Variants in PKHD1 observed in about 807,000 individuals in gnomAD.
PKHD1 encodes PKHD1 ciliary IPT domain containing fibrocystin/polyductin.
Under a neutral mutation model 412.0 loss-of-function variants are expected in PKHD1, and 291 were observed. The observed-to-expected ratio is 0.71, with a 90% CI of 0.64 to 0.78. PKHD1 has a LOEUF of 0.78. Among genes scored for constraint, PKHD1 ranks in the 30% least tolerant of loss-of-function variants. The pLI is 0.00. For synonymous variants in PKHD1, 1,777 were observed against 1,821.5 expected (o/e 0.98, Z 0.62); for missense variants, 4,825 against 4,950.7 (o/e 0.97, Z 0.76).
rs748785664 is a variant in PKHD1 at position 51,638,905 on chromosome 6, G to A, written c.11450C>T (p.Ala3817Val). Residue 3817 changes from alanine to valine, a missense_variant, in exon 64 of 67, where the codon GCA becomes GTA. Transcript: ENST00000371117. ...CCAGTTTGACCCAGAGATCAAGACT[G>A]CCAAGTTGTAGAAGCTAACATAACC... is the stretch of plus-strand genomic sequence containing the variant. ...QDGYVSFYNL[A>V]VLISGSNWHF... is the part of the protein sequence containing the mutation. 4.3e-6 allele frequency: 7 copies of A among 1,613,546 alleles called. No homozygotes were observed. The African/African-American group carries it at 6.7e-5, about 15-fold the overall frequency.
Position 52,046,035 on chromosome 6 carries a change from G to A in PKHD1, c.2561C>T (p.Thr854Ile). The change falls in exon 24 of 67, where the codon ACT (threonine) becomes ATT (isoleucine). Residue 854 changes from threonine to isoleucine, a missense_variant. By Grantham distance (89) the Thr-to-Ile change is moderately conservative. Coordinates refer to ENST00000371117, the MANE Select transcript of PKHD1 (RefSeq NM_138694.4). ...AAAATTGGGCAAATCCCCAATCTGA[G>A]TGGACCAGGACAAGGTCCACACGTG... is the stretch of plus-strand genomic sequence containing the variant. The part of the protein sequence containing the change: ...YEHVWTLSWS[T>I]QIGDLPNFIR... The A allele has an allele frequency of 9.9e-6, 16 of 1,613,588 alleles. No individual in the cohort carries two copies. Among genetic ancestry groups the A allele is most frequent in the Non-Finnish European group, 1.4e-5 (16 of 1,179,704 alleles).
intron 60 of PKHD1, among the ~76,000 whole-genome samples, chr6:51,664,854 G>C (rs1018278792): frequency 1.3e-5 from 2 of 151,954 alleles, no homozygotes; most frequent in Non-Finnish European, 2.9e-5. Context: ...AGGACCACAT[G>C]GATTTTGATT....
At chr6:51,684,852 T>C (rs72892145) in intron 60 of PKHD1, among the ~76,000 whole-genome samples, 6,954 of 152,218 alleles carry the variant, frequency 0.046, 257 homozygotes, top group Middle Eastern at 0.12. Flanking sequence ...TATGGGACAG[T>C]TCATGTGCTT....
chr6:51,850,926 T>C (rs1465327982), intron 49 of PKHD1, among the ~76,000 whole-genome samples: 2 of 152,192 alleles, frequency 1.3e-5, no homozygotes, highest in Non-Finnish European at 2.9e-5. Context: ...GAACTTCCAA[T>C]ACTATGTTGA....
chr6:51,696,347 T>C (rs1222567059), intron 60 of PKHD1, among the ~76,000 whole-genome samples: 8 of 152,044 alleles, frequency 5.3e-5, no homozygotes, highest in Non-Finnish European at 1.0e-4. Context: ...AAGAAGAAAA[T>C]GGGGCTGAAG....
rs746844312 is a variant in PKHD1 at position 51,887,243 on chromosome 6, C to G, written c.6999G>C (p.Gly2333=). 2 of 1,592,766 alleles carry G rather than the reference C, an allele frequency of 1.3e-6. No individual in the cohort carries two copies. Among genetic ancestry groups the G allele is most frequent in the Non-Finnish European group, 1.7e-6 (2 of 1,160,658 alleles). ...YICSPTNVIE[G]NRVCGAGYGY... ...CATAGCCAGCACCACACACTCTGTT[C>G]CCCTACAGAAATTAAGAAGAGTTAA... Residue 2333 remains glycine (G), a splice_region_variant and synonymous_variant, in exon 44 of 67, where the codon GGG becomes GGC. Coordinates refer to ENST00000371117, the MANE Select transcript of PKHD1 (RefSeq NM_138694.4).
chr6:51,722,131 C>T (rs1782003071), intron 60 of PKHD1: 4 of 1,562,772 alleles, frequency 2.6e-6, no homozygotes, highest in Admixed American at 1.7e-5. Context: ...ATGAAAATAC[C>T]CCACACCTTG....
chr6:51,656,931 C>G (rs1771954754), intron 61 of PKHD1, among the ~76,000 whole-genome samples: 1 of 151,948 alleles, frequency 6.6e-6, no homozygotes, highest in African/African-American at 2.4e-5. Flanking sequence ...GCTGAGATTA[C>G]AGGTGTGAGC....
intron 60 of PKHD1, among the ~76,000 whole-genome samples, chr6:51,728,536 CTT>C (rs1554209469): frequency 1.3e-5 from 2 of 152,202 alleles, no homozygotes; most frequent in Admixed American, 6.5e-5. Flanking sequence ...CAGCCGGACT[CTT>C]TGGCCGGTTA....
chr6:51,928,762 G>A (rs149441591), intron 37 of PKHD1, among the ~76,000 whole-genome samples: 67 of 151,926 alleles, frequency 4.4e-4, no homozygotes, highest in African/African-American at 1.6e-3. Flanking sequence ...AGGAGTAGGA[G>A]AGAGTGAAGT....
rs775882368 is a variant in PKHD1, at chr6:51,903,659, A to G, written c.6934T>C (p.Ser2312Pro). ...IIQVSGAEGLSNPEMLTPSGI... is the reference protein window; with the variant it reads ...IIQVSGAEGLPNPEMLTPSGI... ...GATGGTGTCAACATTTCAGGATTGG[A>G]GAGTCCCTCGGCACCAGAAACCTGG... The change falls in exon 43 of 67, where the codon TCC becomes CCC. Residue 2312 changes from serine to proline, a missense_variant. Coordinates refer to ENST00000371117, the MANE Select transcript of PKHD1 (RefSeq NM_138694.4). The G allele has an allele frequency of 6.2e-7, 1 of 1,610,844 alleles. No homozygotes were observed. Among genetic ancestry groups the G allele is most frequent in the Non-Finnish European group, 8.5e-7 (1 of 1,177,356 alleles).
intron 55 of PKHD1, among the ~76,000 whole-genome samples, chr6:51,765,423 G>A (rs1313227305): frequency 6.6e-6 from 1 of 152,084 alleles, no homozygotes; most frequent in Non-Finnish European, 1.5e-5. Context: ...ACAAGGTCCT[G>A]TATGACTTGG....
rs563010657 is a variant in PKHD1 at position 51,921,673 on chromosome 6, C to T, written c.6122-9097G>A. ...ACTTCTCTTCTCACTTCATATCATT[C>T]GTTTCATCTTCAATCACTGATACCC... On this transcript the variant is annotated intron_variant, in intron 37 of 66. Transcript: ENST00000371117. Among the ~76,000 whole-genome samples, 36 of 152,232 alleles carry T rather than the reference C, an allele frequency of 2.4e-4. No individual in the cohort carries two copies. The South Asian group carries it at 4.4e-3, about 18-fold the overall frequency.
chr6:51,887,379 A>G (rs1050139697), intron 43 of PKHD1, 134 bp from the exon 44 acceptor site: 5 of 698,958 alleles, frequency 7.2e-6, no homozygotes, highest in Non-Finnish European at 1.3e-5. Flanking sequence ...TCTATTATAG[A>G]CTCATTTATT....
rs1765482286 is a variant in PKHD1, at chr6:51,816,495, T to A, written c.8302+14366A>T. 2.0e-5 allele frequency among the ~76,000 whole-genome samples: 3 copies of A among 152,340 alleles called. No homozygotes were observed. The East Asian group carries it at 5.8e-4, about 29-fold the overall frequency. On this transcript the variant is annotated intron_variant, in intron 52 of 66. Transcript: ENST00000371117. ...AAGAAGCTGAGGCAATAGAGCTGGA[T>A]GGGAGAAGACACCTGTTAAATGAAG...
intron 60 of PKHD1, among the ~76,000 whole-genome samples, chr6:51,717,743 G>A (rs371507247): frequency 6.6e-6 from 1 of 152,148 alleles, no homozygotes; most frequent in African/African-American, 2.4e-5. Context: ...ACTGTATTTT[G>A]AGTAAGCAAT....
chr6:51,909,275 C>G lies in PKHD1; in HGVS notation c.6682+8G>C. ...ACATGAGAAAGTCCTAGGTCCGGACCCCCTTACCTCTCATAGCTCCCACCA... is the reference window on the plus strand; with the variant it reads ...ACATGAGAAAGTCCTAGGTCCGGACGCCCTTACCTCTCATAGCTCCCACCA... On this transcript the variant is annotated splice_region_variant and intron_variant, in intron 40 of 66. Coordinates refer to ENST00000371117, the MANE Select transcript of PKHD1 (RefSeq NM_138694.4). The G allele has an allele frequency of 6.2e-7, 1 of 1,610,320 alleles. No individual in the cohort carries two copies. Among genetic ancestry groups the G allele is most frequent in the Non-Finnish European group, 8.5e-7 (1 of 1,176,814 alleles).
chr6:52,005,101 G>A (rs185933792), intron 35 of PKHD1, among the ~76,000 whole-genome samples: 1 of 152,268 alleles, frequency 6.6e-6, no homozygotes, highest in Admixed American at 6.5e-5. Flanking sequence ...CCCAAAAAGA[G>A]TTTTTTGGGT....
intron 45 of PKHD1, 135 bp downstream of exon 45, chr6:51,885,732 C>T: frequency 1.4e-6 from 1 of 710,926 alleles, no homozygotes; most frequent in Non-Finnish European, 2.6e-6. Flanking sequence ...AAAATTGTGA[C>T]AGCACAGCAA....
Sources: gnomAD v4.1 joint callset for allele counts (sites outside exome capture counted in the v4.1 genomes callset) on GRCh38, gnomAD v4.1.1 for gene constraint, MANE v1.5 for transcripts, NCBI Gene and HGNC (gene_info 2026-07-23, HGNC 2026-07-21) for gene names.